PRTFDC1: variants seen among roughly 807,000 people sequenced by gnomAD.
PRTFDC1 encodes phosphoribosyltransferase domain-containing protein 1.
PRTFDC1 carries 38 observed loss-of-function variants against 34.6 expected under a neutral mutation model. That is an observed-to-expected ratio of 1.10 (90% confidence interval 0.85 to 1.44). The LOEUF is 1.44. PRTFDC1 is among the 40% of genes most tolerant of loss of function. PRTFDC1 has a pLI of 0.00. For synonymous variants in PRTFDC1, 93 were observed against 98.1 expected (o/e 0.95, Z 0.31); for missense variants, 270 against 283.0 (o/e 0.95, Z 0.33).
At chr10:24,933,256 A>T (rs1396965683) in intron 3 of PRTFDC1, among the ~76,000 whole-genome samples, 6 of 152,032 alleles carry the variant, frequency 3.9e-5, no homozygotes, top group Non-Finnish European at 8.8e-5. Flanking sequence ...GACACACTAG[A>T]TTAACTGAAC....
intron 3 of PRTFDC1, among the ~76,000 whole-genome samples, chr10:24,910,510 T>A (rs559386494): frequency 6.6e-6 from 1 of 152,262 alleles, no homozygotes; most frequent in East Asian, 1.9e-4. Context: ...TAATCAATGT[T>A]GAGTGTGAGT....
chr10:24,932,733 C>T (rs1327258173), intron 3 of PRTFDC1, among the ~76,000 whole-genome samples: 1 of 151,976 alleles, frequency 6.6e-6, no homozygotes, highest in Non-Finnish European at 1.5e-5. Context: ...AGATTCAAGG[C>T]AATCTTGATA....
At chr10:24,862,435 C>T (rs146159359) in intron 4 of PRTFDC1, among the ~76,000 whole-genome samples, 5,706 of 152,066 alleles carry the variant, frequency 0.038, 346 homozygotes, top group African/African-American at 0.13. Context: ...AGTGCAATGG[C>T]GCGATCTTGG....
At chr10:24,942,479 A>G (rs1279293224) in intron 1 of PRTFDC1, 43 bp from the exon 2 acceptor site, 2 of 1,493,454 alleles carry the variant, frequency 1.3e-6, no homozygotes, top group Non-Finnish European at 1.9e-6. Flanking sequence ...TTTCATCAGA[A>G]ATTTGTTTAA....
chr10:24,943,284 C>G (rs1277297842), intron 1 of PRTFDC1, among the ~76,000 whole-genome samples: 1 of 151,950 alleles, frequency 6.6e-6, no homozygotes, highest in East Asian at 1.9e-4. Flanking sequence ...AAAGGATGTA[C>G]TATGTTAGAC....
At chr10:24,942,195 C>A (rs1849170328) in intron 2 of PRTFDC1, 135 bp downstream of exon 2, 1 of 638,956 alleles carries the variant, frequency 1.6e-6, no homozygotes, top group Non-Finnish European at 2.8e-6. Flanking sequence ...TCCAAATTCA[C>A]TGCCCTATAT....
chr10:24,906,547 G>A (rs1848538936), intron 3 of PRTFDC1, among the ~76,000 whole-genome samples: 1 of 151,550 alleles, frequency 6.6e-6, no homozygotes, highest in South Asian at 2.1e-4. Context: ...TGAATGAATG[G>A]ATGTGCCTTA....
intron 3 of PRTFDC1, among the ~76,000 whole-genome samples, chr10:24,874,407 A>T (rs1473174768): frequency 6.6e-6 from 1 of 152,172 alleles, no homozygotes; most frequent in Admixed American, 6.6e-5. Flanking sequence ...AGGAATTAAC[A>T]CAGGAAGAAT....
intron 3 of PRTFDC1, among the ~76,000 whole-genome samples, chr10:24,898,462 T>TAAAAAAAAA (rs1848403122): frequency 5.0e-5 from 2 of 39,868 alleles, no homozygotes; most frequent in South Asian, 7.3e-4. Flanking sequence ...AGACCCTGTC[T>TAAAAAAAAA]CAAAAAAAAA....
At chr10:24,871,689 C>T (rs1847870663) in intron 4 of PRTFDC1, among the ~76,000 whole-genome samples, 1 of 150,742 alleles carries the variant, frequency 6.6e-6, no homozygotes, top group Non-Finnish European at 1.5e-5. Flanking sequence ...GGGAAAGCTT[C>T]CTTTTCAGAA....
intron 7 of PRTFDC1, among the ~76,000 whole-genome samples, chr10:24,852,517 C>T (rs1452679073): frequency 1.3e-5 from 2 of 152,178 alleles, no homozygotes; most frequent in African/African-American, 4.8e-5. Flanking sequence ...GCAGCCTCTA[C>T]CTCCACAGGC....
At chr10:24,915,025 C>T (rs137892455) in intron 3 of PRTFDC1, among the ~76,000 whole-genome samples, 7 of 152,120 alleles carry the variant, frequency 4.6e-5, no homozygotes, top group Admixed American at 6.6e-5. Flanking sequence ...CAATCGAACC[C>T]TAAACCTCAG....
At chr10:24,901,725 T>A (rs1389936106) in intron 3 of PRTFDC1, among the ~76,000 whole-genome samples, 1 of 152,170 alleles carries the variant, frequency 6.6e-6, no homozygotes, top group East Asian at 1.9e-4. Context: ...AAAGACCCAG[T>A]CTCAAATAAG....
chr10:24,892,028 A>G (rs564759706), intron 3 of PRTFDC1, among the ~76,000 whole-genome samples: 2 of 152,274 alleles, frequency 1.3e-5, no homozygotes, highest in Non-Finnish European at 2.9e-5. Flanking sequence ...GTTGATGCAC[A>G]CTTAGTTTGG....
chr10:24,940,734 T>C (rs1327347596), intron 2 of PRTFDC1, among the ~76,000 whole-genome samples: 1 of 152,222 alleles, frequency 6.6e-6, no homozygotes, highest in Non-Finnish European at 1.5e-5. Flanking sequence ...AAAACTTATA[T>C]GTGAATGTTT....
At chr10:24,903,481 G>T (rs550190748) in intron 3 of PRTFDC1, among the ~76,000 whole-genome samples, 2 of 152,064 alleles carry the variant, frequency 1.3e-5, no homozygotes, top group African/African-American at 4.8e-5. Flanking sequence ...TTTTTAAAAG[G>T]TGCCAAGTAT....
chr10:24,912,041 G>T (rs1168688368), intron 3 of PRTFDC1, among the ~76,000 whole-genome samples: 3 of 151,960 alleles, frequency 2.0e-5, no homozygotes. Flanking sequence ...GGCTGAGGCG[G>T]GTGGATCACT....
intron 3 of PRTFDC1, among the ~76,000 whole-genome samples, chr10:24,890,097 A>G (rs1248011547): frequency 6.6e-6 from 1 of 152,260 alleles, no homozygotes; most frequent in Non-Finnish European, 1.5e-5. Flanking sequence ...AGGAAGTTCC[A>G]GGACCCCTAA....
intron 2 of PRTFDC1, among the ~76,000 whole-genome samples, chr10:24,940,345 C>T: frequency 6.6e-6 from 1 of 152,074 alleles, no homozygotes; most frequent in South Asian, 2.1e-4. Context: ...GGACTATTAT[C>T]CAAAATATAT....
Sources: allele counts gnomAD v4.1 joint callset (sites outside exome capture counted in the v4.1 genomes callset), GRCh38; gene constraint gnomAD v4.1.1; transcripts MANE v1.5; gene names NCBI Gene and HGNC (gene_info 2026-07-23, HGNC 2026-07-21).